ZC3H14: variants seen among roughly 807,000 people sequenced by gnomAD.
ZC3H14 encodes zinc finger CCCH domain-containing protein 14.
In ZC3H14, 31 loss-of-function variants were observed where a neutral mutation model predicts 92.4. The ratio of observed to expected loss-of-function variants is 0.34; its 90% CI spans 0.25 to 0.45. The LOEUF (loss-of-function observed/expected upper bound fraction) is 0.45, where lower values mean the gene tolerates loss of function less well. ZC3H14 is among the 20% of genes least tolerant of loss of function. ZC3H14 has a pLI of 1.00. For missense variants in ZC3H14, 781 were observed against 897.3 expected, an observed-to-expected ratio of 0.87 and a Z score of 1.66; for synonymous variants, 321 against 300.9, an observed-to-expected ratio of 1.07 and a Z score of -0.69.
At chr14:88,577,835 C>T in intron 8 of ZC3H14, 150 bp from the exon 9 acceptor site, 5 of 955,802 alleles carry the variant, frequency 5.2e-6, no homozygotes, top group Non-Finnish European at 8.0e-6. Context: ...TCCCAAAGTG[C>T]TGAGATTACA....
chr14:88,567,344 T>C (rs1364941015), intron 2 of ZC3H14, among the ~76,000 whole-genome samples: 1 of 151,494 alleles, frequency 6.6e-6, no homozygotes, highest in Non-Finnish European at 1.5e-5. Context: ...CTCAATCTCC[T>C]AACCTTGTGA....
intron 3 of ZC3H14, 83 bp downstream of exon 3, chr14:88,568,236 A>G: frequency 8.5e-7 from 1 of 1,171,426 alleles, no homozygotes; most frequent in South Asian, 1.3e-5. Context: ...GGTTCTTGAC[A>G]CTTGAGTTAG....
chr14:88,627,101 A>G lies in ZC3H14; in HGVS notation c.*15350A>G. On this transcript the variant is annotated 3_prime_UTR_variant, in exon 17 of 17. Coordinates refer to ENST00000251038, the MANE Select transcript of ZC3H14 (RefSeq NM_024824.5). ...TATTACAAGAACCAAGCTAATCAACAGCATCAAACAAATATGTAAAATACA... is the reference window on the plus strand; with the variant it reads ...TATTACAAGAACCAAGCTAATCAACGGCATCAAACAAATATGTAAAATACA... The G allele has an allele frequency of 6.4e-7, 1 of 1,556,634 alleles. No homozygotes were observed. Among genetic ancestry groups the G allele is most frequent in the South Asian group, 1.1e-5 (1 of 89,640 alleles).
At chr14:88,563,556 C>A in intron 1 of ZC3H14, 95 bp from the exon 2 acceptor site, 2 of 1,581,678 alleles carry the variant, frequency 1.3e-6, no homozygotes, top group Non-Finnish European at 1.7e-6. Context: ...ATCCGAGGTG[C>A]GCGCACCAGC....
chr14:88,576,438 C>G (rs1014628730), intron 8 of ZC3H14, among the ~76,000 whole-genome samples: 2 of 152,142 alleles, frequency 1.3e-5, no homozygotes, highest in Non-Finnish European at 2.9e-5. Flanking sequence ...TGTTCCTGCT[C>G]CAATTCTAGT....
At chr14:88,596,638 TTCAAG>T in intron 9 of ZC3H14, 91 bp from the exon 10 acceptor site, 1 of 1,046,488 alleles carries the variant, frequency 9.6e-7, no homozygotes, top group Non-Finnish European at 1.5e-6. Flanking sequence ...CTTTTAAGAC[TTCAAG>T]TTAAGAACCC....
rs2087176429 is a variant in ZC3H14 at position 88,613,719 on chromosome 14, G to A, written c.*1968G>A. On this transcript the variant is annotated 3_prime_UTR_variant, in exon 17 of 17. Coordinates refer to ENST00000251038, the MANE Select transcript of ZC3H14 (RefSeq NM_024824.5). ...AAGCAAGGGTACCAGAGGGCACAGTGTGCTTTGGCATGCATTTTATACATA... is the reference window on the plus strand; with the variant it reads ...AAGCAAGGGTACCAGAGGGCACAGTATGCTTTGGCATGCATTTTATACATA... 1 of 152,178 alleles carries A rather than the reference G, an allele frequency of 6.6e-6. No individual in the cohort carries two copies. Among genetic ancestry groups the A allele is most frequent in the South Asian group, 2.1e-4 (1 of 4,830 alleles). The allele number at this position is 152,178 out of a possible 1,614,324, so 9.4% of individuals were successfully genotyped here.
chr14:88,587,831 A>G (rs917187919), intron 9 of ZC3H14, among the ~76,000 whole-genome samples: 2 of 151,992 alleles, frequency 1.3e-5, no homozygotes, highest in Non-Finnish European at 2.9e-5. Context: ...ATGTGCACCT[A>G]TAGTCATGGC....
Position 88,621,708 on chromosome 14 carries a change from G to A in ZC3H14, c.*9957G>A, listed in dbSNP as rs988085461. On this transcript the variant is annotated 3_prime_UTR_variant, in exon 17 of 17. Transcript: ENST00000251038. ...AATATGCAGGCTGAAGATAATATCCGTATGATTTATAAATACACTTAATAA... is the reference window on the plus strand; with the variant it reads ...AATATGCAGGCTGAAGATAATATCCATATGATTTATAAATACACTTAATAA... 23 of 280,600 alleles carry A rather than the reference G, an allele frequency of 8.2e-5. No individual in the cohort carries two copies. Among genetic ancestry groups the A allele is most frequent in the East Asian group, 1.7e-4 (2 of 11,750 alleles). The allele number at this position is 280,600 out of a possible 1,614,324, so 17.4% of individuals were successfully genotyped here. A position where few individuals can be genotyped will look rare whatever the true frequency, so the allele number is the denominator to read the frequency against.
At chr14:88,596,862 A>G in intron 10 of ZC3H14, 54 bp downstream of exon 10, 1 of 1,419,852 alleles carries the variant, frequency 7.0e-7, no homozygotes, top group Non-Finnish European at 1.0e-6. Context: ...TGCCATTTCC[A>G]TTTCTTACAC....
Position 88,579,019 on chromosome 14 carries a change from C to A in ZC3H14, c.1279+879C>A, listed in dbSNP as rs186059785. Among the ~76,000 whole-genome samples, 188 of 152,022 alleles carry A rather than the reference C, an allele frequency of 1.2e-3. 1 individual carries two copies. Among genetic ancestry groups the A allele is most frequent in the African/African-American group, 4.4e-3 (183 of 41,484 alleles). On this transcript the variant is annotated intron_variant, in intron 9 of 16. Transcript: ENST00000251038. Reference sequence around the variant, plus strand: ...TCTTCAGACCTTTTGTCTCTTTTGTCGTCAAGAAGGATTCTTTTTTCTTCT... The same window carrying A: ...TCTTCAGACCTTTTGTCTCTTTTGTAGTCAAGAAGGATTCTTTTTTCTTCT...
intron 9 of ZC3H14, chr14:88,589,514 A>T (rs1366242267): frequency 2.6e-5 from 4 of 152,122 alleles, no homozygotes; most frequent in Non-Finnish European, 5.9e-5. Flanking sequence ...CCTTGCCCTG[A>T]ATTCCTCATT....
rs1384450152 is a variant in ZC3H14, at chr14:88,601,849, C to G, written c.1355-75C>G. On this transcript the variant is annotated intron_variant, in intron 10 of 16. Transcript: ENST00000251038. ...TTTGAATATATAAAAGATTGACATT[C>G]TTCTCACATATATAATGTTGGGAAT... is the stretch of plus-strand genomic sequence containing the variant. The G allele has an allele frequency of 3.9e-6, 6 of 1,528,102 alleles. No homozygotes were observed. The Admixed American group carries it at 6.9e-5, about 18-fold the overall frequency. 94.7% of individuals were successfully genotyped at this position (1,528,102 alleles called of 1,614,324 possible).
chr14:88,609,856 C>T lies in ZC3H14; in HGVS notation c.2097+53C>T, dbSNP rs890913155. 1.7e-5 allele frequency: 26 copies of T among 1,564,402 alleles called. No homozygotes were observed. The Admixed American group carries it at 1.7e-4, about 10-fold the overall frequency. On this transcript the variant is annotated intron_variant, in intron 15 of 16. Transcript: ENST00000251038. Reference sequence around the variant, plus strand: ...TTTAGTGACAACATCTCAATTTCCTCATTTAACTTCTTTTTTGTCAGAGTT... The same window carrying T: ...TTTAGTGACAACATCTCAATTTCCTTATTTAACTTCTTTTTTGTCAGAGTT...
chr14:88,572,539 T>G, intron 5 of ZC3H14, 39 bp from the exon 6 acceptor site: 1 of 1,611,050 alleles, frequency 6.2e-7, no homozygotes, highest in Non-Finnish European at 8.5e-7. Context: ...ATAATTGCCC[T>G]AATTTGGCTG....
chr14:88,563,328 C>G (rs1395064735), intron 1 of ZC3H14, 159 bp downstream of exon 1: 4 of 1,497,504 alleles, frequency 2.7e-6, no homozygotes, highest in South Asian at 2.6e-5. Flanking sequence ...CGCCTCGGCC[C>G]TGGGGACATT....
chr14:88,574,385 A>G (rs1358713221), intron 6 of ZC3H14: 1 of 352,670 alleles, frequency 2.8e-6, no homozygotes, highest in African/African-American at 2.1e-5. Context: ...AGCTCGGACT[A>G]CAGGCACATG....
chr14:88,578,654 C>A (rs1373794636), intron 9 of ZC3H14, among the ~76,000 whole-genome samples: 4 of 151,886 alleles, frequency 2.6e-5, no homozygotes, highest in African/African-American at 9.7e-5. Context: ...GCCCGTTTAC[C>A]TGAACTTGAA....
intron 15 of ZC3H14, among the ~76,000 whole-genome samples, chr14:88,610,593 G>A (rs2086459378): frequency 6.6e-6 from 1 of 150,842 alleles, no homozygotes; most frequent in Non-Finnish European, 1.5e-5. Flanking sequence ...AGGATCGTTT[G>A]AGCCCGGGAG....
Sources: allele counts gnomAD v4.1 joint callset (sites outside exome capture counted in the v4.1 genomes callset), GRCh38; gene constraint gnomAD v4.1.1; transcripts MANE v1.5; gene names NCBI Gene and HGNC (gene_info 2026-07-23, HGNC 2026-07-21).